CASP9: variants seen among roughly 807,000 people sequenced by gnomAD.
The protein encoded by CASP9 is caspase 9, also known as caspase-9.
CASP9 carries 29 observed loss-of-function variants against 43.5 expected under a neutral mutation model. The observed-to-expected ratio is 0.67, with a 90% CI of 0.50 to 0.91. The LOEUF (loss-of-function observed/expected upper bound fraction) is 0.91. CASP9 is among the 40% of genes least tolerant of loss of function. The probability of loss-of-function intolerance (pLI) is 0.00; values close to 1 mark genes in which losing one functional copy is unlikely to be tolerated. For synonymous variants in CASP9, 206 were observed against 211.9 expected (o/e 0.97, Z 0.24); for missense variants, 575 against 537.4 (o/e 1.07, Z -0.69).
At chr1:15,508,572 C>T (rs1709613090) in intron 2 of CASP9, among the ~76,000 whole-genome samples, 1 of 152,042 alleles carries the variant, frequency 6.6e-6, no homozygotes, top group Admixed American at 6.6e-5. Context: ...ACCACCATGC[C>T]CGGCTAATTT....
intron 5 of CASP9, among the ~76,000 whole-genome samples, chr1:15,505,005 C>A (rs559372543): frequency 6.6e-6 from 1 of 152,178 alleles, no homozygotes; most frequent in Non-Finnish European, 1.5e-5. Flanking sequence ...GTGCTGGCTG[C>A]GGCCTCTAGA....
intron 2 of CASP9, among the ~76,000 whole-genome samples, chr1:15,509,460 C>CAAAAAA (rs563284288): frequency 3.7e-4 from 39 of 105,640 alleles, no homozygotes; most frequent in Non-Finnish European, 4.8e-4. Flanking sequence ...ACTAAAAATA[C>CAAAAAA]AAAAAAAAAA....
upstream of CASP9, chr1:15,524,416 C>A (rs1338152729): frequency 7.5e-7 from 1 of 1,324,554 alleles, no homozygotes; most frequent in African/African-American, 1.6e-5. Flanking sequence ...CAGGACGCAC[C>A]TCTGCGCCTC....
intron 1 of CASP9, 61 bp downstream of exon 1, chr1:15,524,007 GC>G: frequency 8.0e-7 from 1 of 1,249,492 alleles, no homozygotes; most frequent in Non-Finnish European, 1.1e-6. Flanking sequence ...CCCGCACAAC[GC>G]CTCCTCGAGG....
chr1:15,514,366 C>T (rs1313046828), intron 2 of CASP9, among the ~76,000 whole-genome samples: 1 of 152,212 alleles, frequency 6.6e-6, no homozygotes, highest in African/African-American at 2.4e-5. Context: ...GCCAGACCTT[C>T]CCATACATAT....
intron 2 of CASP9, among the ~76,000 whole-genome samples, chr1:15,512,611 C>A (rs1031281781): frequency 3.3e-5 from 5 of 152,124 alleles, no homozygotes; most frequent in African/African-American, 1.2e-4. Flanking sequence ...CTTGGAACTT[C>A]TCAGCGTCCA....
chr1:15,518,748 C>T (rs528864390), intron 1 of CASP9, among the ~76,000 whole-genome samples: 84 of 152,280 alleles, frequency 5.5e-4, no homozygotes, highest in South Asian at 1.5e-3. Flanking sequence ...AAGTGAATAG[C>T]GAATTCAGAG....
In CASP9 at chr1:15,493,119, C is replaced by T. The variant is rs371788458; in HGVS notation, c.1159-84G>A. ...TTCAAGAGGGGCTGGGGGGAATGTC[C>T]ACTCAACCCGCACCTTAAAAACAGC... On this transcript the variant is annotated intron_variant, in intron 8 of 8. Transcript: ENST00000333868. The T allele has an allele frequency of 3.9e-4, 626 of 1,591,488 alleles. 3 individuals carry two copies. In the African/African-American group the frequency reaches 7.1e-3, roughly 18 times the overall value.
chr1:15,502,907 A>G (rs1334313473), intron 6 of CASP9, among the ~76,000 whole-genome samples: 1 of 152,168 alleles, frequency 6.6e-6, no homozygotes, highest in Non-Finnish European at 1.5e-5. Flanking sequence ...GGGTTTCTAC[A>G]GCCCCGAGAG....
chr1:15,496,151 G>C (rs1372938501), intron 6 of CASP9, among the ~76,000 whole-genome samples: 2 of 150,702 alleles, frequency 1.3e-5, no homozygotes, highest in Non-Finnish European at 2.9e-5. Context: ...GTTCATAAGA[G>C]AATGAAAAAA....
intron 1 of CASP9, among the ~76,000 whole-genome samples, chr1:15,522,810 C>T (rs1710259582): frequency 6.6e-6 from 1 of 152,246 alleles, no homozygotes; most frequent in Non-Finnish European, 1.5e-5. Context: ...ACTATGACGC[C>T]CATCCATTGG....
chr1:15,524,770 C>T (rs975993285), upstream of CASP9: 1 of 1,009,892 alleles, frequency 9.9e-7, no homozygotes, highest in South Asian at 3.6e-5. Context: ...CGCGTCACCG[C>T]CCACTCCCCG....
rs976941200 is a variant in CASP9 at position 15,493,632 on chromosome 1, G to A, written c.1158+260C>T. On this transcript the variant is annotated intron_variant, in intron 8 of 8. Transcript: ENST00000333868. ...GCACTGAGGACCAGCTCCATCAGTG[G>A]AGGAGCGGGAGGTGTCAACCTGGGG... 3.5e-6 allele frequency: 5 copies of A among 1,440,342 alleles called. No individual in the cohort carries two copies. The African/African-American group carries it at 7.2e-5, about 21-fold the overall frequency. The allele number at this position is 1,440,342 out of a possible 1,614,324, so 89.2% of individuals were successfully genotyped here. A position where few individuals can be genotyped will look rare whatever the true frequency, so the allele number is the denominator to read the frequency against.
chr1:15,504,765 G>T lies in CASP9; in HGVS notation c.721-7C>A. On this transcript the variant is annotated splice_region_variant and splice_polypyrimidine_tract_variant and intron_variant, in intron 5 of 8. Coordinates refer to ENST00000333868, the MANE Select transcript of CASP9 (RefSeq NM_001229.5). ...GGAACTGCAGGTGGCTGGCCTAGAA[G>T]ACCAAGAACCCTGGTTACAAAACCA... The T allele has an allele frequency of 6.2e-7, 1 of 1,608,238 alleles. No homozygotes were observed. Among genetic ancestry groups the T allele is most frequent in the South Asian group, 1.1e-5 (1 of 90,262 alleles).
At chr1:15,517,028 G>A (rs931514269) in intron 2 of CASP9, among the ~76,000 whole-genome samples, 7 of 152,128 alleles carry the variant, frequency 4.6e-5, no homozygotes, top group African/African-American at 1.4e-4. Flanking sequence ...AACGGTGCCT[G>A]GCAAATAGCA....
rs775503596 is a variant in CASP9 at position 15,505,998 on chromosome 1, C to T, written c.712G>A (p.Gly238Ser). Residue 238 changes from glycine (G) to serine (S), a missense_variant, in exon 5 of 9, where the codon GGC becomes AGC. Physicochemically the swap from Gly to Ser is moderately conservative, Grantham distance 56 (BLOSUM62 0). Transcript: ENST00000333868. ...AGTGGGAGGCTTCCTACCTGACAGC[C>T]GTGAGAGAGAATGACCACCACGCAG... The part of the protein sequence containing the change: ...DCCVVVILSH[G>S]CQASHLQFPG... 12 of 1,613,864 alleles carry T rather than the reference C, an allele frequency of 7.4e-6. No individual in the cohort carries two copies. Among genetic ancestry groups the T allele is most frequent in the East Asian group, 2.2e-5 (1 of 44,890 alleles).
chr1:15,516,859 C>G (rs985880442), intron 2 of CASP9, among the ~76,000 whole-genome samples: 2 of 152,238 alleles, frequency 1.3e-5, no homozygotes, highest in African/African-American at 4.8e-5. Flanking sequence ...GCAGACAGAA[C>G]AGGTAAGCCC....
At chr1:15,501,268 G>A (rs900873602) in intron 6 of CASP9, among the ~76,000 whole-genome samples, 2 of 152,140 alleles carry the variant, frequency 1.3e-5, no homozygotes, top group African/African-American at 4.8e-5. Flanking sequence ...CGCTGACGTT[G>A]CACACCAAAG....
chr1:15,522,562 T>G (rs1364237789), intron 1 of CASP9, among the ~76,000 whole-genome samples: 1 of 152,100 alleles, frequency 6.6e-6, no homozygotes. Flanking sequence ...AAAATTTTTT[T>G]TAATTAGCCA....
Sources: gnomAD v4.1 joint callset for allele counts (sites outside exome capture counted in the v4.1 genomes callset) on GRCh38, gnomAD v4.1.1 for gene constraint, MANE v1.5 for transcripts, NCBI Gene and HGNC (gene_info 2026-07-23, HGNC 2026-07-21) for gene names.